VCL: variants seen among roughly 807,000 people sequenced by gnomAD.
The protein encoded by VCL is vinculin.
Under a neutral mutation model 125.7 loss-of-function variants are expected in VCL, and 47 were observed. The ratio of observed to expected loss-of-function variants is 0.37; its 90% CI spans 0.30 to 0.48. The LOEUF (loss-of-function observed/expected upper bound fraction) is 0.48. Among genes scored for constraint, VCL ranks in the 20% least tolerant of loss-of-function variants. The pLI, the probability that VCL is intolerant of heterozygous loss-of-function variation, is 0.99. For missense variants in VCL, 1,069 were observed against 1,455.5 expected, an observed-to-expected ratio of 0.73 and a Z score of 4.32; for synonymous variants, 458 against 514.6, an observed-to-expected ratio of 0.89 and a Z score of 1.49.
Position 74,070,636 on chromosome 10 carries a change from C to T in VCL, c.240-34C>T, listed in dbSNP as rs1438280739. On this transcript the variant is annotated intron_variant, in intron 2 of 21. Transcript: ENST00000211998. ...GCATATGGTATTCTTCTGTGTGGTT[C>T]TGCCGGTGTGTTAACCTGTGTTCTT... 1.9e-6 allele frequency: 3 copies of T among 1,613,502 alleles called. No individual in the cohort carries two copies. The East Asian group carries it at 6.7e-5, about 36-fold the overall frequency.
At chr10:74,053,532 A>G (rs931434854) in intron 2 of VCL, among the ~76,000 whole-genome samples, 1 of 151,540 alleles carries the variant, frequency 6.6e-6, no homozygotes, top group Admixed American at 6.6e-5. Context: ...TTCTTTTCTC[A>G]TATTTATTAT....
At chr10:74,016,598 A>G (rs1408719458) in intron 1 of VCL, among the ~76,000 whole-genome samples, 1 of 152,180 alleles carries the variant, frequency 6.6e-6, no homozygotes, top group Non-Finnish European at 1.5e-5. Flanking sequence ...AAAAGAAAAA[A>G]AAATCTGGTG....
chr10:74,114,476 G>A lies in VCL; in HGVS notation c.3153+89G>A, dbSNP rs1591720439. On this transcript the variant is annotated intron_variant, in intron 20 of 21. Transcript: ENST00000211998. ...GTTGGAGGGGAGGGTATGAGAGGGA[G>A]AAAAGCAGGAGAGAAAAACTAGGTA... is the stretch of plus-strand genomic sequence containing the variant. The A allele has an allele frequency of 1.0e-5, 15 of 1,453,170 alleles. No homozygotes were observed. In the East Asian group the frequency reaches 3.7e-4, roughly 36 times the overall value. The allele number at this position is 1,453,170 out of a possible 1,614,324, so 90.0% of individuals were successfully genotyped here.
At chr10:74,094,086 A>C (rs1306056784) in intron 10 of VCL, among the ~76,000 whole-genome samples, 185 bp from the exon 11 acceptor site, 1 of 152,250 alleles carries the variant, frequency 6.6e-6, no homozygotes, top group Non-Finnish European at 1.5e-5. Flanking sequence ...ACTAGGACAA[A>C]ATAATCTGAA....
At position 74,065,602 on chromosome 10, in the gene VCL, G is replaced by T. The variant is rs1386225161; in HGVS notation, c.240-5068G>T. Among the ~76,000 whole-genome samples the T allele has an allele frequency of 7.2e-5, 11 of 151,818 alleles. No homozygotes were observed. In the South Asian group the frequency reaches 1.7e-3, roughly 23 times the overall value. ...GCTACTTGAGAGGCTGAGGTGGGAG[G>T]TGACCAGGAGGTCGAGGCTGCAGTG... On this transcript the variant is annotated intron_variant, in intron 2 of 21. Coordinates refer to ENST00000211998, the MANE Select transcript of VCL (RefSeq NM_014000.3).
chr10:74,110,217 G>C lies in VCL; in HGVS notation c.2745+1061G>C, dbSNP rs76672840. ...AGAGCCCCACTGTGCATGGGGAGTG[G>C]GGGAGGGTGACAGTGAAGATTTTAA... On this transcript the variant is annotated intron_variant, in intron 18 of 21. Coordinates refer to ENST00000211998, the MANE Select transcript of VCL (RefSeq NM_014000.3). 4.0e-3 allele frequency among the ~76,000 whole-genome samples: 610 copies of C among 152,230 alleles called. 3 individuals are homozygous for C. The highest frequency in any genetic ancestry group is 0.014 in the African/African-American group (574 of 41,536).
chr10:74,101,462 G>A (rs898436183), intron 14 of VCL, among the ~76,000 whole-genome samples: 3 of 152,042 alleles, frequency 2.0e-5, no homozygotes, highest in African/African-American at 7.2e-5. Context: ...CTCCAGCCTG[G>A]GGTGACAGAG....
chr10:74,000,264 T>G (rs1456245573), intron 1 of VCL, among the ~76,000 whole-genome samples: 2 of 149,162 alleles, frequency 1.3e-5, no homozygotes, highest in African/African-American at 4.9e-5. Flanking sequence ...TTTTGCTTTT[T>G]TTTTTTTTTT....
At position 74,119,264 on chromosome 10, in the gene VCL, C is replaced by T. The variant is rs1840365423; in HGVS notation, c.*1095C>T. The T allele has an allele frequency of 6.6e-6, 1 of 152,600 alleles. No individual in the cohort carries two copies. Among genetic ancestry groups the T allele is most frequent in the Non-Finnish European group, 1.5e-5 (1 of 68,046 alleles). 9.5% of individuals were successfully genotyped at this position (152,600 alleles called of 1,614,324 possible). On this transcript the variant is annotated 3_prime_UTR_variant, in exon 22 of 22. Transcript: ENST00000211998. ...CTAAAAGATCCTTTTTAAATTCAGT[C>T]CTAAGAAAGAGGAGTGCTTGTCCCC...
Position 74,097,164 on chromosome 10 carries a change from A to G in VCL, c.1744-40A>G. ...GGGCATTAGTAGATATGCTTTGAGGATGTATCTGGACATTTTCATATGTAA... is the reference window on the plus strand; with the variant it reads ...GGGCATTAGTAGATATGCTTTGAGGGTGTATCTGGACATTTTCATATGTAA... On this transcript the variant is annotated intron_variant, in intron 12 of 21. Coordinates refer to ENST00000211998, the MANE Select transcript of VCL (RefSeq NM_014000.3). This position sits in a 1 kb window ranked among gnomAD's most constrained non-coding sequence, Gnocchi z 4.1. 6.2e-7 allele frequency: 1 copy of G among 1,609,282 alleles called. No individual in the cohort carries two copies.
At chr10:74,096,691 T>C (rs1031954147) in intron 12 of VCL, among the ~76,000 whole-genome samples, 8 of 152,242 alleles carry the variant, frequency 5.3e-5, no homozygotes, top group African/African-American at 9.6e-5. Flanking sequence ...ATATTTGTTA[T>C]TGAGTTTTTC....
chr10:74,049,034 G>C (rs1841247236), intron 2 of VCL, among the ~76,000 whole-genome samples: 1 of 152,174 alleles, frequency 6.6e-6, no homozygotes, highest in Admixed American at 6.5e-5. Flanking sequence ...GTGAACCCAG[G>C]AGGCGGAGTT....
intron 1 of VCL, among the ~76,000 whole-genome samples, chr10:74,014,871 A>G (rs1287300409): frequency 1.3e-5 from 2 of 151,922 alleles, no homozygotes; most frequent in African/African-American, 2.4e-5. Flanking sequence ...TATTTTTTGT[A>G]GAGATGGGGT....
chr10:73,999,765 C>CT (rs1283416340), intron 1 of VCL, among the ~76,000 whole-genome samples: 1 of 152,160 alleles, frequency 6.6e-6, no homozygotes, highest in Non-Finnish European at 1.5e-5. Flanking sequence ...AATTCCTGAT[C>CT]TTTCTTCTCT....
At chr10:74,089,593 A>C (rs1212217190) in intron 9 of VCL, among the ~76,000 whole-genome samples, 1 of 152,200 alleles carries the variant, frequency 6.6e-6, no homozygotes, top group Non-Finnish European at 1.5e-5. Context: ...GGTAAAAGTA[A>C]GCTCTCAGAG....
chr10:74,022,990 C>T (rs901328994), intron 1 of VCL, among the ~76,000 whole-genome samples: 7 of 152,128 alleles, frequency 4.6e-5, no homozygotes, highest in Non-Finnish European at 8.8e-5. Flanking sequence ...ATATCTCCCA[C>T]CTAAACTCTT....
intron 1 of VCL, among the ~76,000 whole-genome samples, chr10:74,038,479 C>A (rs1841029793): frequency 6.6e-6 from 1 of 152,132 alleles, no homozygotes; most frequent in Non-Finnish European, 1.5e-5. Context: ...TGTGTTGTAC[C>A]TTAAAAACAG....
rs1283615543 is a variant in VCL at position 74,100,930 on chromosome 10, A to G, written c.1873-18A>G. The stretch of plus-strand genomic sequence containing the variant: ...TTTTATTGAAATAAATGTTCTTAAT[A>G]TCTGTTTTTTCCTCAAGGTATTTGA... On this transcript the variant is annotated intron_variant, in intron 13 of 21. Transcript: ENST00000211998. 1.9e-6 allele frequency: 3 copies of G among 1,613,600 alleles called. No individual in the cohort carries two copies. The highest frequency in any genetic ancestry group is 1.1e-5 in the South Asian group (1 of 91,052).
chr10:74,043,830 G>A (rs573170738), intron 2 of VCL, among the ~76,000 whole-genome samples: 8 of 151,614 alleles, frequency 5.3e-5, no homozygotes, highest in Non-Finnish European at 1.0e-4. Flanking sequence ...TGTTTTGGCC[G>A]GGCGTGGTGG....
Sources: gnomAD v4.1 joint callset for allele counts (sites outside exome capture counted in the v4.1 genomes callset) on GRCh38, gnomAD v4.1.1 for gene constraint, Gnocchi (gnomAD v3.1) non-coding constraint, MANE v1.5 for transcripts, NCBI Gene and HGNC (gene_info 2026-07-23, HGNC 2026-07-21) for gene names.